The following DSCAML1 variants were observed in gnomAD, a reference collection of about 807,000 sequenced individuals.
DSCAML1 encodes cell adhesion molecule DSCAML1.
DSCAML1 carries 38 observed loss-of-function variants against 200.5 expected under a neutral mutation model. That is an observed-to-expected ratio of 0.19 (90% CI 0.15 to 0.25). The LOEUF (loss-of-function observed/expected upper bound fraction) is 0.25. DSCAML1 is among the 10% of genes least tolerant of loss of function. The probability of loss-of-function intolerance (pLI) is 1.00; values close to 1 mark genes in which losing one functional copy is unlikely to be tolerated. For missense variants in DSCAML1, 2,223 were observed against 2,858.8 expected (o/e 0.78, Z 5.07); for synonymous variants, 1,215 against 1,165.0 (o/e 1.04, Z -0.87).
At chr11:117,722,306 T>TAAAAAA (rs34365570) in intron 3 of DSCAML1, among the ~76,000 whole-genome samples, 1 of 114,266 alleles carries the variant, frequency 8.8e-6, no homozygotes, top group African/African-American at 3.2e-5. Context: ...ATGGGGGAGC[T>TAAAAAA]AAAAAAAAAA....
At chr11:117,453,436 G>A (rs2048317296) in intron 19 of DSCAML1, among the ~76,000 whole-genome samples, 1 of 152,102 alleles carries the variant, frequency 6.6e-6, no homozygotes. Context: ...AGGTATGTTG[G>A]TGATACATTC....
chr11:117,611,292 T>G (rs1430625890), intron 3 of DSCAML1: 2 of 152,286 alleles, frequency 1.3e-5, no homozygotes, highest in African/African-American at 4.8e-5. Context: ...AGGGAAGCCA[T>G]GTCTGAACTC....
At chr11:117,760,407 T>C (rs2054777648) in intron 3 of DSCAML1, among the ~76,000 whole-genome samples, 1 of 152,238 alleles carries the variant, frequency 6.6e-6, no homozygotes, top group South Asian at 2.1e-4. Flanking sequence ...TTTTGCTACA[T>C]ATGTATGCAT....
intron 3 of DSCAML1, among the ~76,000 whole-genome samples, chr11:117,584,311 C>T (rs893767211): frequency 1.3e-5 from 2 of 152,162 alleles, no homozygotes; most frequent in Non-Finnish European, 2.9e-5. Context: ...TCTGCCTCCA[C>T]CCAGCCCCAC....
At chr11:117,715,113 T>TA (rs5795099) in intron 3 of DSCAML1, among the ~76,000 whole-genome samples, 141,885 of 149,666 alleles carry the variant, frequency 0.95, 67,414 homozygotes, top group South Asian at 0.99. Context: ...AATAAGTCAT[T>TA]AAAAAAAAAG....
intron 3 of DSCAML1, among the ~76,000 whole-genome samples, chr11:117,741,122 C>T (rs1174734880): frequency 6.6e-6 from 1 of 152,240 alleles, no homozygotes; most frequent in African/African-American, 2.4e-5. Context: ...AGATGGTCTC[C>T]ACCAGAGATT....
chr11:117,808,167 C>T (rs1441108037), intron 1 of DSCAML1, among the ~76,000 whole-genome samples: 1 of 152,202 alleles, frequency 6.6e-6, no homozygotes, highest in Non-Finnish European at 1.5e-5. Context: ...GCAAGACAGA[C>T]ATCAATATCC....
At position 117,697,920 on chromosome 11, in the gene DSCAML1, C is replaced by T. The variant is rs552836229; in HGVS notation, c.511+78871G>A. On this transcript the variant is annotated intron_variant, in intron 3 of 32. Transcript: ENST00000651296. ...CTGAGTAGCTGGGACTACAGGTGCA[C>T]GCCACCACACCCAGGTAATTTTTGT... is the stretch of plus-strand genomic sequence containing the variant. Among the ~76,000 whole-genome samples the T allele has an allele frequency of 1.5e-4, 23 of 152,138 alleles. No homozygotes were observed. The South Asian group carries it at 2.9e-3, about 19-fold the overall frequency.
chr11:117,575,250 A>G (rs1352902580), intron 3 of DSCAML1, among the ~76,000 whole-genome samples: 1 of 152,212 alleles, frequency 6.6e-6, no homozygotes, highest in Non-Finnish European at 1.5e-5. Context: ...CTGGGACCAC[A>G]TCTGGAGGAC....
At chr11:117,779,353 T>A (rs1450105711) in intron 2 of DSCAML1, among the ~76,000 whole-genome samples, 1 of 152,138 alleles carries the variant, frequency 6.6e-6, no homozygotes, top group Non-Finnish European at 1.5e-5. Flanking sequence ...CCCCTTGGCC[T>A]CCCGACATAA....
intron 32 of DSCAML1, 24 bp downstream of exon 32, chr11:117,430,698 C>T (rs1253746204): frequency 6.3e-7 from 1 of 1,590,988 alleles, no homozygotes; most frequent in Non-Finnish European, 8.6e-7. Context: ...GGGGCACTGC[C>T]TGGGAGGTGG....
At position 117,489,144 on chromosome 11, in the gene DSCAML1, C is replaced by T. The variant is rs190813351; in HGVS notation, c.2360-6982G>A. On this transcript the variant is annotated intron_variant, in intron 11 of 32. Transcript: ENST00000651296. The surrounding 1 kb of genome is among the most constrained non-coding windows in gnomAD (Gnocchi z 4.8). ...TCTAGCCATCTGTTTGTCTGCCACC[C>T]TTGCATACAGTCCCTGGCTTTTGGA... Among the ~76,000 whole-genome samples, 10 of 152,358 alleles carry T rather than the reference C, an allele frequency of 6.6e-5. No homozygotes were observed. Among genetic ancestry groups the T allele is most frequent in the African/African-American group, 2.4e-4 (10 of 41,584 alleles).
At chr11:117,533,003 G>C (rs950841326) in intron 3 of DSCAML1, among the ~76,000 whole-genome samples, 1 of 151,956 alleles carries the variant, frequency 6.6e-6, no homozygotes, top group Non-Finnish European at 1.5e-5. Flanking sequence ...AGCTGGGTTT[G>C]GTAGGGCACG....
Position 117,438,955 on chromosome 11 carries a change from G to A in DSCAML1, c.4173C>T (p.Val1391=). 2 of 1,609,456 alleles carry A rather than the reference G, an allele frequency of 1.2e-6. No individual in the cohort carries two copies. The highest frequency in any genetic ancestry group is 1.7e-6 in the Non-Finnish European group (2 of 1,178,380). Residue 1391 remains valine, a synonymous_variant, in exon 24 of 33, where the codon GTC becomes GTT. Transcript: ENST00000651296. Reference sequence around the variant, plus strand: ...TGATGGACGAAGCTGAGGTTTTGGAGACAGTGAGGCGGGGCTGGTCCGGGG... The same window carrying A: ...TGATGGACGAAGCTGAGGTTTTGGAAACAGTGAGGCGGGGCTGGTCCGGGG... ...QVPPDQPRLT[V]SKTSASSITL...
intron 3 of DSCAML1, among the ~76,000 whole-genome samples, chr11:117,571,672 C>T (rs973549378): frequency 1.3e-5 from 2 of 151,776 alleles, no homozygotes; most frequent in South Asian, 4.2e-4. Context: ...CGTCCTCCCC[C>T]CACCTACAGG....
At chr11:117,733,616 T>G (rs529542033) in intron 3 of DSCAML1, among the ~76,000 whole-genome samples, 21 of 152,094 alleles carry the variant, frequency 1.4e-4, no homozygotes, top group African/African-American at 5.1e-4. Context: ...TTAGTTGGGG[T>G]GGGGAAATAT....
intron 3 of DSCAML1, among the ~76,000 whole-genome samples, chr11:117,686,461 C>T (rs756666716): frequency 5.9e-5 from 9 of 152,224 alleles, no homozygotes; most frequent in Non-Finnish European, 1.0e-4. Flanking sequence ...CAGGAGCCTT[C>T]GCACTGCGGG....
At chr11:117,647,707 A>G (rs1477655038) in intron 3 of DSCAML1, among the ~76,000 whole-genome samples, 2 of 152,202 alleles carry the variant, frequency 1.3e-5, no homozygotes, top group African/African-American at 2.4e-5. Flanking sequence ...AGAAAGCAAA[A>G]GGGAAGCAGG....
intron 3 of DSCAML1, among the ~76,000 whole-genome samples, chr11:117,693,056 T>C (rs1421671853): frequency 6.6e-6 from 1 of 152,206 alleles, no homozygotes; most frequent in Admixed American, 6.5e-5. Flanking sequence ...TGATGTGGTC[T>C]GAACAGCACA....
Sources: gnomAD v4.1 joint callset for allele counts (sites outside exome capture counted in the v4.1 genomes callset) on GRCh38, gnomAD v4.1.1 for gene constraint, Gnocchi (gnomAD v3.1) non-coding constraint, MANE v1.5 for transcripts, NCBI Gene and HGNC (gene_info 2026-07-23, HGNC 2026-07-21) for gene names.